The following MAGI2 variants were observed in gnomAD, a reference collection of about 807,000 sequenced individuals.
MAGI2 encodes the protein membrane-associated guanylate kinase, WW and PDZ domain-containing protein 2.
A neutral mutation model predicts 133.3 loss-of-function variants in MAGI2; 35 were observed. That is an observed-to-expected ratio of 0.26 (90% CI 0.20 to 0.35). MAGI2 has a LOEUF of 0.35. Among genes scored for constraint, MAGI2 ranks in the 10% least tolerant of loss-of-function variants. MAGI2 has a pLI of 1.00. For missense variants in MAGI2, 1,636 were observed against 1,863.4 expected, an observed-to-expected ratio of 0.88 and a Z score of 2.25; for synonymous variants, 729 against 710.6, an observed-to-expected ratio of 1.03 and a Z score of -0.41.
chr7:78,681,009 G>A (rs1815589425), intron 2 of MAGI2, among the ~76,000 whole-genome samples: 2 of 152,134 alleles, frequency 1.3e-5, no homozygotes, highest in Non-Finnish European at 2.9e-5. Flanking sequence ...CATTGGAGGT[G>A]CTACTGGCAT....
chr7:78,853,521 A>G (rs556398481), intron 2 of MAGI2, among the ~76,000 whole-genome samples: 36 of 151,324 alleles, frequency 2.4e-4, no homozygotes, highest in African/African-American at 8.2e-4. Context: ...AAGCCTGGCT[A>G]ATTTTTTAAT....
At chr7:78,522,934 C>T (rs562247487) in intron 3 of MAGI2, among the ~76,000 whole-genome samples, 1 of 152,236 alleles carries the variant, frequency 6.6e-6, no homozygotes, top group African/African-American at 2.4e-5. Flanking sequence ...CAATAAAATC[C>T]TTGTCTTCCA....
At chr7:79,118,667 TTTG>T (rs1819614652) in intron 1 of MAGI2, among the ~76,000 whole-genome samples, 1 of 152,154 alleles carries the variant, frequency 6.6e-6, no homozygotes, top group Non-Finnish European at 1.5e-5. Flanking sequence ...GAAAATTCAC[TTTG>T]TAAGTTCTGT....
In MAGI2 at chr7:78,245,303, A is replaced by G. The variant is rs540856643; in HGVS notation, c.2047+10640T>C. ...TTTATTTTTTGGTCTGTCTCTAATA[A>G]TATCAATTCCATGAGGAAAAGGACA... On this transcript the variant is annotated intron_variant, in intron 10 of 21. Transcript: ENST00000354212. 6.6e-5 allele frequency among the ~76,000 whole-genome samples: 10 copies of G among 152,338 alleles called. No individual in the cohort carries two copies. In the East Asian group the frequency reaches 1.7e-3, roughly 26 times the overall value.
intron 21 of MAGI2, among the ~76,000 whole-genome samples, chr7:78,020,194 G>T (rs1485444969): frequency 7.1e-6 from 1 of 141,364 alleles, no homozygotes; most frequent in Non-Finnish European, 1.5e-5. Flanking sequence ...CCCACGCCCC[G>T]AACCTCGTCC....
chr7:79,039,315 TA>T (rs1811404391), intron 1 of MAGI2, among the ~76,000 whole-genome samples: 1 of 152,172 alleles, frequency 6.6e-6, no homozygotes, highest in Non-Finnish European at 1.5e-5. Flanking sequence ...GTGAGTCAAT[TA>T]AACCTCTTTT....
intron 1 of MAGI2, among the ~76,000 whole-genome samples, chr7:79,082,105 T>C (rs1468091039): frequency 6.6e-6 from 1 of 152,108 alleles, no homozygotes; most frequent in African/African-American, 2.4e-5. Flanking sequence ...AGTCTTTATA[T>C]ATTCTGAATA....
intron 1 of MAGI2, among the ~76,000 whole-genome samples, chr7:79,042,384 T>C (rs115640921): frequency 6.6e-4 from 100 of 152,314 alleles, no homozygotes; most frequent in African/African-American, 2.3e-3. Flanking sequence ...GCTTTGTTGA[T>C]TTTTCTCTAT....
intron 1 of MAGI2, among the ~76,000 whole-genome samples, chr7:79,360,385 C>T (rs1307603189): frequency 6.6e-6 from 1 of 151,776 alleles, no homozygotes; most frequent in Non-Finnish European, 1.5e-5. Context: ...AAAGTAGTTT[C>T]TTCAAATAGA....
intron 1 of MAGI2, among the ~76,000 whole-genome samples, chr7:79,277,570 G>T (rs1415443891): frequency 6.6e-6 from 1 of 152,028 alleles, no homozygotes; most frequent in African/African-American, 2.4e-5. Flanking sequence ...ATGCTATAAT[G>T]ATACAAGGAA....
At chr7:78,641,746 GA>G (rs533387177) in intron 2 of MAGI2, among the ~76,000 whole-genome samples, 4 of 151,680 alleles carry the variant, frequency 2.6e-5, no homozygotes, top group South Asian at 2.1e-4. Context: ...CTAATACACA[GA>G]AAAAAAATGG....
At chr7:78,219,660 C>G (rs559269490) in intron 10 of MAGI2, among the ~76,000 whole-genome samples, 28 of 152,282 alleles carry the variant, frequency 1.8e-4, no homozygotes, top group Non-Finnish European at 3.8e-4. Context: ...GTAATCTCTT[C>G]CCCCACAACT....
In MAGI2 at chr7:78,919,717, G is replaced by A. The variant is rs532129517; in HGVS notation, c.418+87373C>T. The stretch of plus-strand genomic sequence containing the variant: ...ATCAAAATTACTAGGCAGAGGTTTT[G>A]CTGAGCTTACACTAAAGATAGATAT... On this transcript the variant is annotated intron_variant, in intron 2 of 21. Transcript: ENST00000354212. 1.2e-4 allele frequency among the ~76,000 whole-genome samples: 18 copies of A among 152,192 alleles called. No homozygotes were observed. The South Asian group carries it at 3.7e-3, about 32-fold the overall frequency.
intron 1 of MAGI2, among the ~76,000 whole-genome samples, chr7:79,131,465 T>C (rs891083491): frequency 6.6e-6 from 1 of 152,212 alleles, no homozygotes; most frequent in African/African-American, 2.4e-5. Flanking sequence ...AGTGCTGGAT[T>C]CCTTATTAAG....
intron 6 of MAGI2, among the ~76,000 whole-genome samples, chr7:78,415,172 A>C (rs1266637928): frequency 1.3e-5 from 2 of 152,122 alleles, no homozygotes; most frequent in Non-Finnish European, 2.9e-5. Flanking sequence ...CTCATGATAA[A>C]CAGGAATAAG....
intron 14 of MAGI2, among the ~76,000 whole-genome samples, chr7:78,171,464 C>T (rs1254232219): frequency 6.6e-6 from 1 of 152,194 alleles, no homozygotes; most frequent in Non-Finnish European, 1.5e-5. Flanking sequence ...TGAGATTCTG[C>T]AGGTTTAACA....
intron 2 of MAGI2, among the ~76,000 whole-genome samples, chr7:78,730,027 C>T (rs1821215080): frequency 6.6e-6 from 1 of 152,098 alleles, no homozygotes; most frequent in South Asian, 2.1e-4. Flanking sequence ...AGCACCCCAA[C>T]CTCTCATTTG....
chr7:78,745,483 T>A (rs145484958), intron 2 of MAGI2, among the ~76,000 whole-genome samples: 3 of 152,154 alleles, frequency 2.0e-5, no homozygotes, highest in African/African-American at 7.2e-5. Flanking sequence ...CATGTCAAGG[T>A]GGTCAAGGTG....
intron 1 of MAGI2, among the ~76,000 whole-genome samples, chr7:79,383,838 G>A (rs894829961): frequency 5.3e-5 from 8 of 151,430 alleles, no homozygotes; most frequent in Admixed American, 2.6e-4. Context: ...ACAGCAACCC[G>A]AAAGTTGACA....
Sources: gnomAD v4.1 joint callset for allele counts (sites outside exome capture counted in the v4.1 genomes callset) on GRCh38, gnomAD v4.1.1 for gene constraint, MANE v1.5 for transcripts, NCBI Gene and HGNC (gene_info 2026-07-23, HGNC 2026-07-21) for gene names.